MOCS1: variants seen among roughly 807,000 people sequenced by gnomAD.
MOCS1 encodes the protein molybdenum cofactor synthesis 1, also known as molybdenum cofactor biosynthesis protein 1.
MOCS1 carries 39 observed loss-of-function variants against 57.6 expected under a neutral mutation model. The ratio of observed to expected loss-of-function variants is 0.68; its 90% CI spans 0.52 to 0.88. The LOEUF is 0.88. Among genes scored for constraint, MOCS1 ranks in the 40% least tolerant of loss-of-function variants. The pLI is 0.00. For synonymous variants in MOCS1, 334 were observed against 335.7 expected (o/e 1.00, Z 0.05); for missense variants, 795 against 831.1 (o/e 0.96, Z 0.53).
At chr6:39,917,479 C>T (rs1032341268) in intron 3 of MOCS1, among the ~76,000 whole-genome samples, 3 of 152,072 alleles carry the variant, frequency 2.0e-5, no homozygotes, top group African/African-American at 7.2e-5. Context: ...GGGGGCAAGG[C>T]CTGAGTCCTG....
At chr6:39,922,784 C>G (rs1283674415) in intron 3 of MOCS1, among the ~76,000 whole-genome samples, 1 of 152,168 alleles carries the variant, frequency 6.6e-6, no homozygotes, top group Non-Finnish European at 1.5e-5. Context: ...GGACCTCAGG[C>G]TCGGCAGAAA....
Position 39,906,251 on chromosome 6 carries a change from G to T in MOCS1, c.*106C>A. On this transcript the variant is annotated 3_prime_UTR_variant, in exon 11 of 11. Coordinates refer to ENST00000340692, the MANE Select transcript of MOCS1 (RefSeq NM_001358530.2). ...GGCTGACTTCGGGTTTACTGCTCAA[G>T]GTAAACAAACAGTGACTGTGATTAA... The T allele has an allele frequency of 7.0e-7, 1 of 1,431,164 alleles. No individual in the cohort carries two copies. The highest frequency in any genetic ancestry group is 9.8e-7 in the Non-Finnish European group (1 of 1,020,212). 88.7% of individuals were successfully genotyped at this position (1,431,164 alleles called of 1,614,324 possible). A position where few individuals can be genotyped will look rare whatever the true frequency, so the allele number is the denominator to read the frequency against.
chr6:39,934,240 G>A, intron 1 of MOCS1, 55 bp downstream of exon 1: 1 of 1,484,284 alleles, frequency 6.7e-7, no homozygotes, highest in South Asian at 1.4e-5. Context: ...AAAGGGCAGT[G>A]TGCCGGGGCC....
chr6:39,907,229 G>C (rs1255006461), intron 10 of MOCS1, 112 bp from the exon 11 acceptor site: 19 of 1,159,394 alleles, frequency 1.6e-5, no homozygotes, highest in Non-Finnish European at 2.3e-5. Flanking sequence ...TTTCATACCG[G>C]GGAAAGAGGA....
At chr6:39,907,290 T>G (rs1767023212) in intron 10 of MOCS1, among the ~76,000 whole-genome samples, 173 bp from the exon 11 acceptor site, 1 of 151,918 alleles carries the variant, frequency 6.6e-6, no homozygotes, top group African/African-American at 2.4e-5. Context: ...GATCCACAGA[T>G]AGATGGCACC....
Position 39,904,850 on chromosome 6 carries a change from A to G in MOCS1, c.*1507T>C. On this transcript the variant is annotated 3_prime_UTR_variant, in exon 11 of 11. Transcript: ENST00000340692. ...ATATTGTAATACTAAAAAATATTAAATTCATACCATCCCTACCCAGTCTGC... is the reference window on the plus strand; with the variant it reads ...ATATTGTAATACTAAAAAATATTAAGTTCATACCATCCCTACCCAGTCTGC... 1 of 454,096 alleles carries G rather than the reference A, an allele frequency of 2.2e-6. No homozygotes were observed. The highest frequency in any genetic ancestry group is 1.6e-5 in the South Asian group (1 of 64,466). The allele number at this position is 454,096 out of a possible 1,614,324, so 28.1% of individuals were successfully genotyped here.
chr6:39,928,399 C>T (rs113767724), intron 1 of MOCS1, among the ~76,000 whole-genome samples: 1 of 152,056 alleles, frequency 6.6e-6, no homozygotes, highest in African/African-American at 2.4e-5. Flanking sequence ...CTCCTGACCT[C>T]GTGATCCACC....
At chr6:39,907,663 G>A (rs911038883) in intron 10 of MOCS1, among the ~76,000 whole-genome samples, 2 of 152,042 alleles carry the variant, frequency 1.3e-5, no homozygotes, top group African/African-American at 4.8e-5. Flanking sequence ...ACAAACTGAC[G>A]GGCTAATTCA....
intron 8 of MOCS1, among the ~76,000 whole-genome samples, chr6:39,911,288 T>A (rs1225100445): frequency 6.6e-6 from 1 of 152,162 alleles, no homozygotes; most frequent in African/African-American, 2.4e-5. Context: ...TCAAACTGCA[T>A]GCATCTAAAC....
intron 9 of MOCS1, 118 bp downstream of exon 9, chr6:39,909,717 A>G: frequency 1.4e-6 from 2 of 1,388,936 alleles, no homozygotes; most frequent in South Asian, 2.4e-5. Context: ...GATGATGCTG[A>G]CTCTCGCCAG....
intron 7 of MOCS1, 81 bp downstream of exon 7, chr6:39,912,811 G>A: frequency 9.3e-7 from 1 of 1,073,568 alleles, no homozygotes; most frequent in Non-Finnish European, 1.5e-6. Flanking sequence ...CCACCACAGT[G>A]CAGCTCCCTG....
intron 3 of MOCS1, among the ~76,000 whole-genome samples, chr6:39,920,979 A>C (rs1397441430): frequency 6.7e-6 from 1 of 148,200 alleles, no homozygotes; most frequent in Non-Finnish European, 1.5e-5. Flanking sequence ...CGGTCTCCCA[A>C]AAAAAAAAGG....
At chr6:39,922,997 C>G (rs182690355) in intron 3 of MOCS1, among the ~76,000 whole-genome samples, 28 of 152,352 alleles carry the variant, frequency 1.8e-4, no homozygotes, top group African/African-American at 6.7e-4. Flanking sequence ...TGGGGAAGAT[C>G]AGAGGCTAGC....
rs1562077510 is a variant in MOCS1, at chr6:39,904,999, G to C, written c.*1358C>G. 2.2e-6 allele frequency: 1 copy of C among 453,132 alleles called. No individual in the cohort carries two copies. Among genetic ancestry groups the C allele is most frequent in the South Asian group, 1.6e-5 (1 of 64,468 alleles). The allele number at this position is 453,132 out of a possible 1,614,324, so 28.1% of individuals were successfully genotyped here. A position where few individuals can be genotyped will look rare whatever the true frequency, so the allele number is the denominator to read the frequency against. On this transcript the variant is annotated 3_prime_UTR_variant, in exon 11 of 11. Coordinates refer to ENST00000340692, the MANE Select transcript of MOCS1 (RefSeq NM_001358530.2). ...TTTTCAGAAATTTTGCAAGCCATTT[G>C]ACATACTGGTAGCTTGAAATTATTC...
intron 4 of MOCS1, 143 bp from the exon 5 acceptor site, chr6:39,913,978 C>G (rs1767508669): frequency 4.7e-6 from 4 of 850,660 alleles, no homozygotes; most frequent in Non-Finnish European, 1.9e-6. Context: ...GTAGGCTTTG[C>G]AAGCCAAGAG....
intron 10 of MOCS1, among the ~76,000 whole-genome samples, chr6:39,908,090 G>A (rs1767067520): frequency 1.3e-5 from 2 of 152,228 alleles, no homozygotes; most frequent in South Asian, 4.1e-4. Flanking sequence ...TGGATGCTGG[G>A]GGTGGGAGGA....
intron 1 of MOCS1, among the ~76,000 whole-genome samples, chr6:39,931,782 G>A (rs1254109863): frequency 6.6e-6 from 1 of 151,964 alleles, no homozygotes; most frequent in Admixed American, 6.6e-5. Context: ...GGGTGCCTTT[G>A]CCTTGCCTAG....
chr6:39,906,578 C>T lies in MOCS1; in HGVS notation c.1690G>A (p.Val564Met), dbSNP rs1210866990. The T allele has an allele frequency of 1.9e-6, 3 of 1,613,758 alleles. No homozygotes were observed. The highest frequency in any genetic ancestry group is 1.7e-5 in the Admixed American group (1 of 60,016). ...CGTGTGCTGTCCAGCTCCAGCTGCA[C>T]CTGGATGTGGCTCAGGGCCACGTGG... ...CHHVALSHIQ[V>M]QLELDSTRHA... The change falls in exon 11 of 11, where the codon GTG (valine) becomes ATG (methionine). Residue 564 changes from valine (V) to methionine (M), a missense_variant. Val to Met is a conservative substitution (Grantham distance 21). Around this residue, in one of 3 missense-constraint regions of MOCS1, gnomAD observed 374 missense variants for 422.6 expected, o/e 0.89. Coordinates refer to ENST00000340692, the MANE Select transcript of MOCS1 (RefSeq NM_001358530.2).
rs1213874714 is a variant in MOCS1 at position 39,913,826 on chromosome 6, T to C, written c.593A>G (p.Lys198Arg). Residue 198 changes from lysine (K) to arginine (R), a missense_variant, in exon 5 of 11, where the codon AAG (lysine) becomes AGG (arginine). Coordinates refer to ENST00000340692, the MANE Select transcript of MOCS1 (RefSeq NM_001358530.2). Reference protein sequence around the residue: ...EFIVRRKGFHKVMEGIHKAIE... With the variant: ...EFIVRRKGFHRVMEGIHKAIE... The stretch of plus-strand genomic sequence containing the variant: ...GGCCTTGTGGATGCCCTCCATGACC[T>C]TGTGGAAGCCTGGGAGGGAGAAACA... 1 of 1,614,172 alleles carries C rather than the reference T, an allele frequency of 6.2e-7. No homozygotes were observed. Among genetic ancestry groups the C allele is most frequent in the Non-Finnish European group, 8.5e-7 (1 of 1,180,008 alleles).
Sources: allele counts gnomAD v4.1 joint callset (sites outside exome capture counted in the v4.1 genomes callset), GRCh38; gene constraint gnomAD v4.1.1; regional missense constraint gnomAD v4.1.1; transcripts MANE v1.5; gene names NCBI Gene and HGNC (gene_info 2026-07-23, HGNC 2026-07-21).